Variants in COL4A2 observed in about 807,000 individuals in gnomAD.
COL4A2 encodes collagen alpha-2(IV) chain.
COL4A2 carries 99 observed loss-of-function variants against 200.2 expected under a neutral mutation model. The ratio of observed to expected loss-of-function variants is 0.49; its 90% CI spans 0.42 to 0.58. The LOEUF (loss-of-function observed/expected upper bound fraction) is 0.58, where lower values mean the gene tolerates loss of function less well. COL4A2 is among the 20% of genes least tolerant of loss of function. The pLI is 0.00. For missense variants in COL4A2, 1,950 were observed against 2,314.1 expected, an observed-to-expected ratio of 0.84 and a Z score of 3.23; for synonymous variants, 897 against 900.6, an observed-to-expected ratio of 1.00 and a Z score of 0.07.
rs764782733 is a variant in COL4A2 at position 110,424,793 on chromosome 13, C to T, written c.240C>T (p.Phe80=). The change falls in exon 5 of 48, where the codon TTC becomes TTT. Residue 80 remains phenylalanine, a synonymous_variant. Transcript: ENST00000360467. ...GYNGPPGLQG[F]PGLQGRKGDK... is the part of the protein sequence containing the mutation. ...ATGGGCCACCAGGATTACAAGGATT[C>T]CCGGGACTGCAGGGACGTAAAGGAG... The T allele has an allele frequency of 9.9e-6, 16 of 1,613,404 alleles. No homozygotes were observed. The highest frequency in any genetic ancestry group is 6.7e-5 in the Admixed American group (4 of 60,024).
Position 110,513,133 on chromosome 13 carries a change from A to G in COL4A2, c.*942A>G, listed in dbSNP as rs1041483730. The G allele has an allele frequency of 1.3e-5, 2 of 152,176 alleles. No homozygotes were observed. The highest frequency in any genetic ancestry group is 2.4e-5 in the African/African-American group (1 of 41,434). The allele number at this position is 152,176 out of a possible 1,614,324, so 9.4% of individuals were successfully genotyped here. On this transcript the variant is annotated 3_prime_UTR_variant, in exon 48 of 48. Transcript: ENST00000360467. ...CACGCTGCTGTTTTTAATCCATCTC[A>G]GTAGAGTTGAACCCATTCGTGGTAT...
intron 3 of COL4A2, among the ~76,000 whole-genome samples, chr13:110,330,645 C>T (rs928722813): frequency 1.3e-5 from 2 of 152,156 alleles, no homozygotes; most frequent in African/African-American, 2.4e-5. Flanking sequence ...CTCTTGGAAA[C>T]GCTTCTCCGA....
At chr13:110,381,916 G>A (rs1878509162) in intron 4 of COL4A2, among the ~76,000 whole-genome samples, 1 of 152,006 alleles carries the variant, frequency 6.6e-6, no homozygotes, top group African/African-American at 2.4e-5. Flanking sequence ...TTTTCTGCTG[G>A]ATTTCATTTT....
At chr13:110,481,945 C>T (rs1262088439) in intron 31 of COL4A2, among the ~76,000 whole-genome samples, 1 of 120,174 alleles carries the variant, frequency 8.3e-6, no homozygotes, top group African/African-American at 3.2e-5. Context: ...TGCTCTGTCC[C>T]TCCGTGCTGG....
chr13:110,344,462 T>A (rs189685953), intron 3 of COL4A2, among the ~76,000 whole-genome samples: 1 of 152,346 alleles, frequency 6.6e-6, no homozygotes, highest in East Asian at 1.9e-4. Context: ...CTCTAACTCA[T>A]ACTTGCTGAT....
chr13:110,414,033 T>G (rs1023560199), intron 4 of COL4A2, among the ~76,000 whole-genome samples: 3 of 150,504 alleles, frequency 2.0e-5, no homozygotes, highest in Non-Finnish European at 4.4e-5. Flanking sequence ...AACTCCTGAC[T>G]GGGCAGTGGC....
At chr13:110,464,232 C>A (rs1882143953) in intron 24 of COL4A2, among the ~76,000 whole-genome samples, 1 of 152,150 alleles carries the variant, frequency 6.6e-6, no homozygotes, top group Non-Finnish European at 1.5e-5. Context: ...GGCTGCCAGT[C>A]CCAGCCCAGC....
intron 3 of COL4A2, among the ~76,000 whole-genome samples, chr13:110,310,790 G>A (rs1212151241): frequency 6.6e-6 from 1 of 152,158 alleles, no homozygotes; most frequent in Non-Finnish European, 1.5e-5. Context: ...TACTTATTGG[G>A]CACTTCCTGT....
chr13:110,465,639 G>A (rs1373186857), intron 25 of COL4A2, 33 bp downstream of exon 25: 4 of 1,533,662 alleles, frequency 2.6e-6, no homozygotes, highest in Non-Finnish European at 3.5e-6. Flanking sequence ...ACCTTTCACA[G>A]TCCTGAGACA....
chr13:110,438,628 T>G lies in COL4A2; in HGVS notation c.872T>G (p.Leu291Trp). Residue 291 changes from leucine (L) to tryptophan (W), a missense_variant, in exon 15 of 48, where the codon TTG becomes TGG. Physicochemically the swap from Leu to Trp is moderately conservative, Grantham distance 61. Transcript: ENST00000360467. Reference protein sequence around the residue: ...EGEPGIRGISLKGEEGIMGFP... With the variant: ...EGEPGIRGISWKGEEGIMGFP... ...TCTGCTCTCTCCTAGGGCATTTCCT[T>G]GAAGGGAGAAGAAGGAATCATGGGC... 2 of 1,614,220 alleles carry G rather than the reference T, an allele frequency of 1.2e-6. No individual in the cohort carries two copies. The highest frequency in any genetic ancestry group is 1.7e-6 in the Non-Finnish European group (2 of 1,180,028).
In COL4A2 at chr13:110,501,769, A is replaced by T. The variant is rs779572433; in HGVS notation, c.3862A>T (p.Ile1288Leu). 1 of 1,613,560 alleles carries T rather than the reference A, an allele frequency of 6.2e-7. No homozygotes were observed. Among genetic ancestry groups the T allele is most frequent in the South Asian group, 1.1e-5 (1 of 91,056 alleles). Residue 1288 changes from isoleucine (I) to leucine (L), a missense_variant, in exon 41 of 48, where the codon ATA becomes TTA. Around this residue, in one of 2 missense-constraint regions of COL4A2, gnomAD observed 1,385 missense variants for 1,720.5 expected, o/e 0.80. Transcript: ENST00000360467. ...GAPGDKGAPG[I>L]FGLKGYRGPP... ...ACCTGGTGACAAAGGGGCGCCAGGG[A>T]TATTTGGCCTGAAAGGTAAGCAGGA...
At chr13:110,428,369 A>T (rs1880545357) in intron 6 of COL4A2, 98 bp from the exon 7 acceptor site, 3 of 721,926 alleles carry the variant, frequency 4.2e-6, no homozygotes, top group Non-Finnish European at 7.1e-6. Context: ...TCATGCCGGG[A>T]ACATGGCTTA....
In COL4A2 at chr13:110,508,522, C is replaced by T. The variant is rs965258029; in HGVS notation, c.4881+301C>T. 2.6e-5 allele frequency among the ~76,000 whole-genome samples: 4 copies of T among 152,214 alleles called. No individual in the cohort carries two copies. Among genetic ancestry groups the T allele is most frequent in the African/African-American group, 9.7e-5 (4 of 41,444 alleles). ...CGTCTTACTAGGTACAACACCAACA[C>T]CAAAGGTGCAGCTGCTTTGGGTTTA... On this transcript the variant is annotated intron_variant, in intron 47 of 47. Transcript: ENST00000360467. This position sits in a 1 kb window ranked among gnomAD's most constrained non-coding sequence, Gnocchi z 6.1.
At chr13:110,414,581 A>AC (rs1009367270) in intron 4 of COL4A2, among the ~76,000 whole-genome samples, 7 of 150,850 alleles carry the variant, frequency 4.6e-5, no homozygotes, top group Admixed American at 6.6e-5. Flanking sequence ...CACGCTGCCG[A>AC]CCCCCCCGAT....
intron 27 of COL4A2, chr13:110,468,233 T>C (rs1423383914): frequency 2.1e-6 from 1 of 471,530 alleles, no homozygotes; most frequent in Non-Finnish European, 4.4e-6. Flanking sequence ...AGGTATCATT[T>C]GCACTGTGAG....
chr13:110,347,903 G>A (rs920923652), intron 3 of COL4A2, among the ~76,000 whole-genome samples: 1 of 152,200 alleles, frequency 6.6e-6, no homozygotes, highest in African/African-American at 2.4e-5. Context: ...CTCAGGGGAG[G>A]GCACCGAACG....
At chr13:110,393,063 G>C (rs943754628) in intron 4 of COL4A2, among the ~76,000 whole-genome samples, 1 of 152,158 alleles carries the variant, frequency 6.6e-6, no homozygotes, top group Non-Finnish European at 1.5e-5. Flanking sequence ...ATCTCCCCCT[G>C]GTGTCGCCCA....
intron 28 of COL4A2, among the ~76,000 whole-genome samples, chr13:110,469,857 G>A (rs1453897331): frequency 2.7e-5 from 4 of 150,480 alleles, no homozygotes; most frequent in Non-Finnish European, 5.9e-5. Flanking sequence ...TGCCACAGGC[G>A]ATGTGCATGA....
At chr13:110,368,991 G>C (rs1216051042) in intron 4 of COL4A2, among the ~76,000 whole-genome samples, 1 of 152,088 alleles carries the variant, frequency 6.6e-6, no homozygotes, top group Non-Finnish European at 1.5e-5. Context: ...GGCGGATCAC[G>C]AGGTCAAGAG....
Sources: gnomAD v4.1 joint callset for allele counts (sites outside exome capture counted in the v4.1 genomes callset) on GRCh38, gnomAD v4.1.1 for gene constraint, gnomAD v4.1.1 regional missense constraint, Gnocchi (gnomAD v3.1) non-coding constraint, MANE v1.5 for transcripts, NCBI Gene and HGNC (gene_info 2026-07-23, HGNC 2026-07-21) for gene names.